CDH22: variants seen among roughly 807,000 people sequenced by gnomAD.
The protein encoded by CDH22 is cadherin 22.
In CDH22, 30 loss-of-function variants were observed where a neutral mutation model predicts 58.4. The observed-to-expected ratio is 0.51, with a 90% CI of 0.38 to 0.70. The LOEUF (loss-of-function observed/expected upper bound fraction) is 0.70. Among genes scored for constraint, CDH22 ranks in the 30% least tolerant of loss-of-function variants. The probability of loss-of-function intolerance (pLI) is 0.00; values close to 1 mark genes in which losing one functional copy is unlikely to be tolerated. For missense variants in CDH22, 1,014 were observed against 1,233.9 expected (o/e 0.82, Z 2.67); for synonymous variants, 513 against 558.2 (o/e 0.92, Z 1.14).
intron 2 of CDH22, among the ~76,000 whole-genome samples, chr20:46,245,093 G>T (rs966211799): frequency 6.6e-6 from 1 of 152,088 alleles, no homozygotes; most frequent in Non-Finnish European, 1.5e-5. Context: ...GCGCTTAGTA[G>T]GTGCTCAATA....
chr20:46,182,842 CA>C (rs1410120257), intron 10 of CDH22, among the ~76,000 whole-genome samples: 1 of 152,202 alleles, frequency 6.6e-6, no homozygotes, highest in Admixed American at 6.5e-5. Flanking sequence ...AGCCGTTTGT[CA>C]CCTAGGATAT....
intron 1 of CDH22, among the ~76,000 whole-genome samples, chr20:46,282,746 C>T (rs571067797): frequency 6.6e-6 from 1 of 152,118 alleles, no homozygotes; most frequent in Admixed American, 6.5e-5. Flanking sequence ...AGTGAGTTCT[C>T]CCCCGGGGGA....
chr20:46,302,579 C>T (rs1342515918), intron 1 of CDH22, among the ~76,000 whole-genome samples: 4 of 152,140 alleles, frequency 2.6e-5, no homozygotes, highest in African/African-American at 2.4e-5. Flanking sequence ...GGATGAACCC[C>T]GTCCCCGAAC....
rs6032734 is a variant in CDH22 at position 46,261,935 on chromosome 20, T to C, written c.-399-10242A>G. 1.7e-3 allele frequency among the ~76,000 whole-genome samples: 265 copies of C among 152,206 alleles called. 1 individual carries two copies. Among genetic ancestry groups the C allele is most frequent in the African/African-American group, 6.1e-3 (254 of 41,516 alleles). On this transcript the variant is annotated intron_variant, in intron 1 of 11. Transcript: ENST00000537909. ...ATGAAGGAGGCAACCAGTTACTGCC[T>C]TAGCGTGCCTGCAACTCACATGAGC...
chr20:46,234,206 G>GAGGA (rs1878155188), intron 3 of CDH22, among the ~76,000 whole-genome samples: 1 of 152,180 alleles, frequency 6.6e-6, no homozygotes, highest in Admixed American at 6.5e-5. Flanking sequence ...TCCCCAGGAG[G>GAGGA]CTGAAATGAT....
chr20:46,265,369 G>T (rs996613426), intron 1 of CDH22, among the ~76,000 whole-genome samples: 1 of 151,978 alleles, frequency 6.6e-6, no homozygotes, highest in Admixed American at 6.6e-5. Flanking sequence ...ATTCAGCCTT[G>T]ATAATGAAAG....
intron 1 of CDH22, among the ~76,000 whole-genome samples, chr20:46,307,175 G>A (rs557019213): frequency 6.6e-6 from 1 of 152,348 alleles, no homozygotes; most frequent in African/African-American, 2.4e-5. Context: ...TCCAAGGAGC[G>A]AGCACCTCGG....
At chr20:46,253,908 G>A (rs2086393637) in intron 1 of CDH22, among the ~76,000 whole-genome samples, 1 of 152,194 alleles carries the variant, frequency 6.6e-6, no homozygotes, top group Non-Finnish European at 1.5e-5. Flanking sequence ...AGATCTGCCA[G>A]TGTTCACGGG....
intron 8 of CDH22, among the ~76,000 whole-genome samples, chr20:46,194,023 C>T (rs1054274992): frequency 2.0e-5 from 3 of 152,062 alleles, no homozygotes; most frequent in African/African-American, 7.2e-5. Flanking sequence ...AAACCACACA[C>T]ACAAAAACAA....
At chr20:46,272,643 T>C (rs2086497307) in intron 1 of CDH22, among the ~76,000 whole-genome samples, 1 of 152,254 alleles carries the variant, frequency 6.6e-6, no homozygotes, top group East Asian at 1.9e-4. Flanking sequence ...GAGGTCAGCA[T>C]GAGGAAAGCT....
intron 8 of CDH22, among the ~76,000 whole-genome samples, chr20:46,192,618 A>C (rs1323007703): frequency 1.3e-5 from 2 of 151,838 alleles, no homozygotes; most frequent in Non-Finnish European, 2.9e-5. Flanking sequence ...GGTCAGCTCA[A>C]AGAAAGTGCC....
At chr20:46,252,447 A>C (rs1017650339) in intron 1 of CDH22, among the ~76,000 whole-genome samples, 1 of 152,186 alleles carries the variant, frequency 6.6e-6, no homozygotes, top group African/African-American at 2.4e-5. Flanking sequence ...CCCCAGATCC[A>C]TCCATCTCTC....
At chr20:46,207,942 T>C (rs1166072733) in intron 7 of CDH22, among the ~76,000 whole-genome samples, 1 of 152,250 alleles carries the variant, frequency 6.6e-6, no homozygotes, top group African/African-American at 2.4e-5. Context: ...TGTGTCTCAC[T>C]TAGGGCTGCC....
At chr20:46,206,459 A>G (rs1477943627) in intron 7 of CDH22, among the ~76,000 whole-genome samples, 1 of 152,148 alleles carries the variant, frequency 6.6e-6, no homozygotes, top group Non-Finnish European at 1.5e-5. Flanking sequence ...CCAGGCACTC[A>G]CTGTGCCCTG....
At chr20:46,244,223 C>A (rs6074077) in intron 2 of CDH22, among the ~76,000 whole-genome samples, 2 of 152,010 alleles carry the variant, frequency 1.3e-5, no homozygotes, top group African/African-American at 4.8e-5. Flanking sequence ...TGGAGAGGAG[C>A]GAGTAGAACC....
At chr20:46,227,687 A>G in intron 3 of CDH22, 60 bp from the exon 4 acceptor site, 3 of 1,545,148 alleles carry the variant, frequency 1.9e-6, no homozygotes, top group Non-Finnish European at 2.6e-6. Flanking sequence ...TCGTTCCCCC[A>G]CTTCGCCTCA....
chr20:46,254,954 G>A (rs1273092563), intron 1 of CDH22, among the ~76,000 whole-genome samples: 6 of 152,178 alleles, frequency 3.9e-5, no homozygotes, highest in Admixed American at 2.0e-4. Context: ...GAGAAGGCAC[G>A]CTTGTTGTAG....
At chr20:46,239,574 A>G (rs1383710826) in intron 3 of CDH22, among the ~76,000 whole-genome samples, 1 of 152,254 alleles carries the variant, frequency 6.6e-6, no homozygotes, top group Non-Finnish European at 1.5e-5. Flanking sequence ...CTCTCCCAGG[A>G]GCTCAAGCAC....
At chr20:46,249,055 G>A (rs1298279905) in intron 2 of CDH22, among the ~76,000 whole-genome samples, 1 of 152,224 alleles carries the variant, frequency 6.6e-6, no homozygotes, top group African/African-American at 2.4e-5. Context: ...TATGTGCTCT[G>A]TTTTCTTCTT....
Sources: allele counts gnomAD v4.1 joint callset (sites outside exome capture counted in the v4.1 genomes callset), GRCh38; gene constraint gnomAD v4.1.1; transcripts MANE v1.5; gene names NCBI Gene and HGNC (gene_info 2026-07-23, HGNC 2026-07-21).